The following VWC2L variants were observed in gnomAD, a reference collection of about 807,000 sequenced individuals.
VWC2L encodes von Willebrand factor C domain containing 2 like.
VWC2L carries 10 observed loss-of-function variants against 21.6 expected under a neutral mutation model. The ratio of observed to expected loss-of-function variants is 0.46; its 90% CI spans 0.29 to 0.78. The LOEUF (loss-of-function observed/expected upper bound fraction) is 0.78, where lower values mean the gene tolerates loss of function less well. VWC2L is among the 30% of genes least tolerant of loss of function. VWC2L has a pLI of 0.10. For synonymous variants in VWC2L, 96 were observed against 94.3 expected, an observed-to-expected ratio of 1.02 and a Z score of -0.10; for missense variants, 209 against 277.1, an observed-to-expected ratio of 0.75 and a Z score of 1.74.
chr2:214,453,128 A>C (rs1233202660), intron 3 of VWC2L, among the ~76,000 whole-genome samples: 1 of 152,212 alleles, frequency 6.6e-6, no homozygotes, highest in Non-Finnish European at 1.5e-5. Context: ...TGTAACCAAG[A>C]AATCTTGACC....
At chr2:214,466,566 A>C (rs6435828) in intron 3 of VWC2L, among the ~76,000 whole-genome samples, 61,562 of 152,080 alleles carry the variant, frequency 0.4, 14,837 homozygotes, top group African/African-American at 0.69. Flanking sequence ...TGTCTACTTG[A>C]CTTTGAAAAC....
chr2:214,564,242 C>T (rs1349783694), intron 3 of VWC2L, among the ~76,000 whole-genome samples: 1 of 152,118 alleles, frequency 6.6e-6, no homozygotes, highest in Admixed American at 6.6e-5. Flanking sequence ...GGCCATACTA[C>T]CTAAAGTAAT....
At chr2:214,531,581 G>C (rs986623291) in intron 3 of VWC2L, among the ~76,000 whole-genome samples, 1 of 151,978 alleles carries the variant, frequency 6.6e-6, no homozygotes, top group African/African-American at 2.4e-5. Flanking sequence ...CTCTTCAGTC[G>C]GCAGATGTCA....
Position 214,488,165 on chromosome 2 carries a change from C to T in VWC2L, c.520+51407C>T, listed in dbSNP as rs11677899. Among the ~76,000 whole-genome samples the T allele has an allele frequency of 8.7e-3, 1,324 of 152,290 alleles. 14 individuals are homozygous for T. Among genetic ancestry groups the T allele is most frequent in the African/African-American group, 0.026 (1,080 of 41,556 alleles). On this transcript the variant is annotated intron_variant, in intron 3 of 3. Coordinates refer to ENST00000312504, the MANE Select transcript of VWC2L (RefSeq NM_001080500.4). ...GGATTCTGCTTACCCCAGCTTCTAC[C>T]GCTTCATGGCCTTTGTTCATCAATG...
intron 3 of VWC2L, among the ~76,000 whole-genome samples, chr2:214,527,415 GA>G (rs1689359166): frequency 6.6e-6 from 1 of 152,012 alleles, no homozygotes; most frequent in East Asian, 1.9e-4. Context: ...AAAAATAAAA[GA>G]AGAAGAAAAC....
rs142048476 is a variant in VWC2L, at chr2:214,566,707, C to T, written c.521-8965C>T. On this transcript the variant is annotated intron_variant, in intron 3 of 3. Coordinates refer to ENST00000312504, the MANE Select transcript of VWC2L (RefSeq NM_001080500.4). ...TCCAGCAATAGCAATCTCATCACCACGCTCTTCCCAGGCACCAAAAGGGCA... is the reference window on the plus strand; with the variant it reads ...TCCAGCAATAGCAATCTCATCACCATGCTCTTCCCAGGCACCAAAAGGGCA... Among the ~76,000 whole-genome samples, 290 of 152,228 alleles carry T rather than the reference C, an allele frequency of 1.9e-3. 1 individual carries two copies. Among genetic ancestry groups the T allele is most frequent in the African/African-American group, 6.2e-3 (258 of 41,544 alleles).
chr2:214,498,706 TTTTTATATGTGTATATATTATA>T (rs1401517490), intron 3 of VWC2L, among the ~76,000 whole-genome samples: 1 of 39,694 alleles, frequency 2.5e-5, no homozygotes, highest in Non-Finnish European at 8.1e-5. Flanking sequence ...CATATACATA[TTTTTATATGTGTATATATTATA>T]CATATACATA....
At chr2:214,445,087 TAAAC>T (rs554883920) in intron 3 of VWC2L, among the ~76,000 whole-genome samples, 272 of 151,864 alleles carry the variant, frequency 1.8e-3, no homozygotes, top group African/African-American at 6.1e-3. Flanking sequence ...TTAAAAAAAA[TAAAC>T]AAATATAAAT....
At chr2:214,414,804 C>T in intron 2 of VWC2L, 1 of 557,436 alleles carries the variant, frequency 1.8e-6, no homozygotes, top group Non-Finnish European at 3.1e-6. Flanking sequence ...ATTTTTTTTC[C>T]CAGAAGTATT....
intron 3 of VWC2L, among the ~76,000 whole-genome samples, chr2:214,460,092 GAC>G (rs1051732121): frequency 1.3e-5 from 2 of 151,700 alleles, no homozygotes; most frequent in African/African-American, 4.8e-5. Context: ...ATTTTTAGTA[GAC>G]ACAGGGTTTC....
chr2:214,563,456 A>T (rs1255097259), intron 3 of VWC2L, among the ~76,000 whole-genome samples: 1 of 149,812 alleles, frequency 6.7e-6, no homozygotes, highest in East Asian at 2.0e-4. Context: ...CTGAGGCAGG[A>T]GAATGGCATG....
At chr2:214,448,427 G>T (rs1702904219) in intron 3 of VWC2L, among the ~76,000 whole-genome samples, 1 of 152,180 alleles carries the variant, frequency 6.6e-6, no homozygotes, top group Admixed American at 6.5e-5. Context: ...GCTTTTGGTG[G>T]TGGGAAGGAA....
intron 3 of VWC2L, among the ~76,000 whole-genome samples, chr2:214,462,526 C>T (rs1026989446): frequency 1.3e-5 from 2 of 152,214 alleles, no homozygotes; most frequent in African/African-American, 4.8e-5. Flanking sequence ...TGCCTCTAGT[C>T]AGCCTCCTTG....
intron 2 of VWC2L, among the ~76,000 whole-genome samples, chr2:214,419,759 G>C (rs1168328264): frequency 6.6e-6 from 1 of 152,024 alleles, no homozygotes; most frequent in Non-Finnish European, 1.5e-5. Context: ...ATGTCTTATG[G>C]GTTTGTTGTT....
intron 3 of VWC2L, among the ~76,000 whole-genome samples, chr2:214,512,412 G>C (rs1351893094): frequency 7.9e-5 from 12 of 152,146 alleles, no homozygotes; most frequent in Non-Finnish European, 1.6e-4. Context: ...GGAGGGTGGG[G>C]AGTGGGAGGA....
chr2:214,552,889 T>C (rs905417949), intron 3 of VWC2L, among the ~76,000 whole-genome samples: 3 of 152,232 alleles, frequency 2.0e-5, no homozygotes, highest in African/African-American at 4.8e-5. Flanking sequence ...GCACTATCTC[T>C]ATAACTAAAC....
At chr2:214,429,331 C>T (rs1171444808) in intron 2 of VWC2L, among the ~76,000 whole-genome samples, 2 of 152,164 alleles carry the variant, frequency 1.3e-5, no homozygotes, top group African/African-American at 4.8e-5. Context: ...AACTGTCAAT[C>T]CAGCTTGTCA....
Position 214,543,209 on chromosome 2 carries a change from T to C in VWC2L, c.521-32463T>C, listed in dbSNP as rs116234131. ...TTCCCCCCAGAATTCTTAAGTTGAATAGAAATGGTTTCATTAACACATGTT... is the reference window on the plus strand; with the variant it reads ...TTCCCCCCAGAATTCTTAAGTTGAACAGAAATGGTTTCATTAACACATGTT... On this transcript the variant is annotated intron_variant, in intron 3 of 3. Coordinates refer to ENST00000312504, the MANE Select transcript of VWC2L (RefSeq NM_001080500.4). Among the ~76,000 whole-genome samples the C allele has an allele frequency of 4.5e-3, 683 of 152,302 alleles. 5 individuals carry two copies. The highest frequency in any genetic ancestry group is 0.016 in the African/African-American group (664 of 41,572).
intron 3 of VWC2L, among the ~76,000 whole-genome samples, chr2:214,548,388 A>G (rs965063159): frequency 1.3e-5 from 2 of 152,110 alleles, no homozygotes; most frequent in African/African-American, 4.8e-5. Flanking sequence ...GAGATGATGT[A>G]CTTTTGATTT....
Sources: gnomAD v4.1 joint callset for allele counts (sites outside exome capture counted in the v4.1 genomes callset) on GRCh38, gnomAD v4.1.1 for gene constraint, MANE v1.5 for transcripts, NCBI Gene and HGNC (gene_info 2026-07-23, HGNC 2026-07-21) for gene names.